The following RBMX variants were observed in gnomAD, a reference collection of about 807,000 sequenced individuals.
The protein encoded by RBMX is RNA binding motif protein X-linked, also known as RNA-binding motif protein, X chromosome.
Under a neutral mutation model 29.3 loss-of-function variants are expected in RBMX, and 1 was observed. That is an observed-to-expected ratio of 0.03 (90% CI 0.01 to 0.16). RBMX has a LOEUF of 0.16. Among genes scored for constraint, RBMX ranks in the 10% least tolerant of loss-of-function variants. The pLI, the probability that RBMX is intolerant of heterozygous loss-of-function variation, is 1.00. For synonymous variants in RBMX, 102 were observed against 102.3 expected (o/e 1.00, Z 0.02); for missense variants, 121 against 333.2 (o/e 0.36, Z 4.96).
At chrX:136,879,231 T>C (rs1466819515) in intron 2 of RBMX, 88 bp downstream of exon 2, 1 of 1,195,780 alleles carries the variant, frequency 8.4e-7, no homozygotes. Flanking sequence ...CAAAAATACA[T>C]TATCATGTCA....
Position 136,873,578 on chromosome X carries a change from A to T in RBMX, c.*564T>A. 7.9e-6 allele frequency: 6 copies of T among 755,095 alleles called. No individual in the cohort carries two copies. Among genetic ancestry groups the T allele is most frequent in the Non-Finnish European group, 9.4e-6 (6 of 639,369 alleles). The allele number at this position is 755,095 out of a possible 1,213,427, so 62.2% of individuals were successfully genotyped here. A position where few individuals can be genotyped will look rare whatever the true frequency, so the allele number is the denominator to read the frequency against. ...GCAGATTCCCAAGGAAATGTCAGAAAGGCAAAATGGCCAGCATTATCCATT... is the reference window on the plus strand; with the variant it reads ...GCAGATTCCCAAGGAAATGTCAGAATGGCAAAATGGCCAGCATTATCCATT... On this transcript the variant is annotated 3_prime_UTR_variant, in exon 9 of 9. Coordinates refer to ENST00000320676, the MANE Select transcript of RBMX (RefSeq NM_002139.4).
At chrX:136,876,750 C>T in intron 4 of RBMX, 95 bp from the exon 5 acceptor site, 5 of 778,381 alleles carry the variant, frequency 6.4e-6, no homozygotes, top group Non-Finnish European at 8.8e-6. Context: ...CACTGTCGCC[C>T]AGGCTGGAGT....
At chrX:136,877,776 A>G (rs1274641619) in intron 4 of RBMX, 139 bp downstream of exon 4, 3 of 528,562 alleles carry the variant, frequency 5.7e-6, no homozygotes, top group Non-Finnish European at 8.9e-6. Context: ...TCAATTGGCA[A>G]TCACTTTGGT....
chrX:136,872,151 C>A (rs2077689125), downstream of RBMX: 2 of 534,788 alleles, frequency 3.7e-6, no homozygotes, highest in African/African-American at 2.4e-5. Flanking sequence ...CAATTCCAAG[C>A]AGCGTTTTCT....
In RBMX at chrX:136,875,069, C is replaced by T. The variant is rs935821393; in HGVS notation, c.865+17G>A. The T allele has an allele frequency of 8.3e-7, 1 of 1,208,621 alleles. No individual in the cohort carries two copies. Among genetic ancestry groups the T allele is most frequent in the African/African-American group, 1.7e-5 (1 of 57,223 alleles). On this transcript the variant is annotated intron_variant, in intron 8 of 8. Transcript: ENST00000320676. ...ACTCAAGCTGGTGATACTAAAGACC[C>T]TTAACCAGTATCTTACCATAACTCT...
Position 136,879,050 on chromosome X carries a change from G to A in RBMX, c.183C>T (p.Asp61=), listed in dbSNP as rs199854491. ...FAFVTFESPA[D]AKDAARDMNG... ...TCATGTCTCTGGCTGCATCCTTAGC[G>A]TCTGCTGGGCTTTCAAAGGTGACAA... The change falls in exon 3 of 9, where the codon GAC becomes GAT. Residue 61 remains aspartate (D), a synonymous_variant. Transcript: ENST00000320676. 1,367 of 1,208,990 alleles carry A rather than the reference G, an allele frequency of 1.1e-3. 1 individual carries two copies. The highest frequency in any genetic ancestry group is 1.4e-3 in the Non-Finnish European group (1,292 of 895,170).
chrX:136,874,012 G>T lies in RBMX; in HGVS notation c.*130C>A. 1 of 1,100,628 alleles carries T rather than the reference G, an allele frequency of 9.1e-7. No homozygotes were observed. Among genetic ancestry groups the T allele is most frequent in the South Asian group, 2.5e-5 (1 of 40,219 alleles). 90.7% of individuals were successfully genotyped at this position (1,100,628 alleles called of 1,213,427 possible). A position where few individuals can be genotyped will look rare whatever the true frequency, so the allele number is the denominator to read the frequency against. ...CACAAGAACATAAAAATTATGGAGGGGAACTTAACAGGGAATTTAAAAAAA... is the reference window on the plus strand; with the variant it reads ...CACAAGAACATAAAAATTATGGAGGTGAACTTAACAGGGAATTTAAAAAAA... On this transcript the variant is annotated 3_prime_UTR_variant, in exon 9 of 9. Transcript: ENST00000320676.
intron 5 of RBMX, 107 bp from the exon 6 acceptor site, chrX:136,875,692 T>C (rs2077720265): frequency 2.0e-6 from 2 of 1,017,216 alleles, no homozygotes; most frequent in Admixed American, 7.3e-5. Flanking sequence ...AAGATGACAT[T>C]ACGGAGGCTA....
chrX:136,878,736 G>T (rs1174306075), intron 3 of RBMX, among the ~76,000 whole-genome samples: 1 of 87,177 alleles, frequency 1.1e-5, no homozygotes, highest in African/African-American at 4.7e-5. Flanking sequence ...GGCAACGGAG[G>T]GAGACTATCA....
chrX:136,875,623 G>GA (rs765131746), intron 5 of RBMX, 38 bp from the exon 6 acceptor site: 3 of 1,185,653 alleles, frequency 2.5e-6, no homozygotes, highest in Non-Finnish European at 3.4e-6. Flanking sequence ...CATAGCCAGA[G>GA]AAAAAAGTTA....
chrX:136,876,131 T>G (rs746108282), intron 5 of RBMX, among the ~76,000 whole-genome samples: 5 of 101,548 alleles, frequency 4.9e-5, no homozygotes, highest in Non-Finnish European at 8.1e-5. Context: ...TTTTGTTTTT[T>G]TTTTTTTTTT....
Position 136,879,065 on chromosome X carries a change from A to G in RBMX, c.168T>C (p.Phe56=), listed in dbSNP as rs1393809759. Residue 56 remains phenylalanine, a synonymous_variant, in exon 3 of 9, where the codon TTT becomes TTC. Transcript: ENST00000320676. ...CATCCTTAGCGTCTGCTGGGCTTTCAAAGGTGACAAAAGCAAATCCTCTTG... is the reference window on the plus strand; with the variant it reads ...CATCCTTAGCGTCTGCTGGGCTTTCGAAGGTGACAAAAGCAAATCCTCTTG... ...NKSRGFAFVT[F]ESPADAKDAA... The G allele has an allele frequency of 1.1e-5, 13 of 1,211,069 alleles. No individual in the cohort carries two copies. Among genetic ancestry groups the G allele is most frequent in the Non-Finnish European group, 1.5e-5 (13 of 895,536 alleles).
At chrX:136,879,567 T>A in intron 1 of RBMX, 114 bp from the exon 2 acceptor site, 2 of 650,454 alleles carry the variant, frequency 3.1e-6, no homozygotes, top group Non-Finnish European at 4.6e-6. Flanking sequence ...CCTTAATAAC[T>A]AAAGAAAACG....
At chrX:136,871,186 C>G (rs1017133652), downstream of RBMX, among the ~76,000 whole-genome samples, 9 of 108,141 alleles carry the variant, frequency 8.3e-5, no homozygotes, top group Admixed American at 2.0e-4. Flanking sequence ...GTGGCTCATG[C>G]CTATAATCCC....
intron 5 of RBMX, among the ~76,000 whole-genome samples, chrX:136,876,289 AT>A (rs1271924018): frequency 9.3e-6 from 1 of 107,762 alleles, no homozygotes; most frequent in East Asian, 2.9e-4. Context: ...CACTCAGCTA[AT>A]TTTTGTATTT....
At position 136,879,229 on chromosome X, in the gene RBMX, C is replaced by T. The variant is rs762956927; in HGVS notation, c.109+90G>A. The T allele has an allele frequency of 2.5e-6, 3 of 1,195,594 alleles. No homozygotes were observed. The Admixed American group carries it at 6.5e-5, about 26-fold the overall frequency. On this transcript the variant is annotated intron_variant, in intron 2 of 8. Transcript: ENST00000320676. ...CAGAACTTCTTAGAGGACAAAAATA[C>T]ATTATCATGTCAGACGATCAATGCA...
chrX:136,879,596 G>T, intron 1 of RBMX, 143 bp from the exon 2 acceptor site: 1 of 523,508 alleles, frequency 1.9e-6, no homozygotes, highest in Non-Finnish European at 3.1e-6. Context: ...CTAAGCCTCA[G>T]CCACAGTAGG....
Position 136,876,639 on chromosome X carries a change from G to A in RBMX, c.405C>T (p.Ser135=). Residue 135 remains serine, a synonymous_variant, in exon 5 of 9, where the codon TCC becomes TCT. Coordinates refer to ENST00000320676, the MANE Select transcript of RBMX (RefSeq NM_002139.4). ...RGGHMDDGGY[S]MNFNMSSSRG... ...TGGAAGAACTCATGTTAAAATTCAT[G>A]GAATATCCACCGTCATCTGCATCAA... The A allele has an allele frequency of 1.2e-5, 14 of 1,193,536 alleles. No homozygotes were observed. Among genetic ancestry groups the A allele is most frequent in the Non-Finnish European group, 1.6e-5 (14 of 887,386 alleles).
At chrX:136,878,979 T>C (rs749664919) in intron 3 of RBMX, 38 bp downstream of exon 3, 3 of 1,199,143 alleles carry the variant, frequency 2.5e-6, no homozygotes, top group Non-Finnish European at 3.4e-6. Flanking sequence ...TTTTATGCAC[T>C]AGTAACAGGT....
Sources: gnomAD v4.1 joint callset for allele counts (sites outside exome capture counted in the v4.1 genomes callset) on GRCh38, gnomAD v4.1.1 for gene constraint, MANE v1.5 for transcripts, NCBI Gene and HGNC (gene_info 2026-07-23, HGNC 2026-07-21) for gene names.